The following KANSL1L variants were observed in gnomAD, a reference collection of about 807,000 sequenced individuals.
KANSL1L encodes KAT8 regulatory NSL complex subunit 1 like, also known as KAT8 regulatory NSL complex subunit 1-like protein.
KANSL1L carries 25 observed loss-of-function variants against 108.6 expected under a neutral mutation model. The observed-to-expected ratio is 0.23, with a 90% CI of 0.17 to 0.32. The LOEUF (loss-of-function observed/expected upper bound fraction) is 0.32, where lower values mean the gene tolerates loss of function less well. Ranked by LOEUF, KANSL1L falls within the 10% of genes least tolerant of loss-of-function variation. The pLI, the probability that KANSL1L is intolerant of heterozygous loss-of-function variation, is 1.00. For synonymous variants in KANSL1L, 405 were observed against 395.1 expected, an observed-to-expected ratio of 1.03 and a Z score of -0.30; for missense variants, 1,137 against 1,125.7, an observed-to-expected ratio of 1.01 and a Z score of -0.14.
intron 5 of KANSL1L, 108 bp downstream of exon 5, chr2:210,097,978 A>C (rs2094754132): frequency 1.0e-5 from 8 of 794,750 alleles, no homozygotes; most frequent in Non-Finnish European, 1.3e-5. Context: ...AGTAGCCCCT[A>C]ATGTACAAAA....
At chr2:210,084,619 T>C (rs2094620537) in intron 5 of KANSL1L, among the ~76,000 whole-genome samples, 1 of 151,726 alleles carries the variant, frequency 6.6e-6, no homozygotes, top group African/African-American at 2.4e-5. Flanking sequence ...CTTTTTTTTT[T>C]CTCTCTCTTT....
intron 1 of KANSL1L, among the ~76,000 whole-genome samples, chr2:210,165,171 T>G (rs758927905): frequency 6.6e-6 from 1 of 150,768 alleles, no homozygotes; most frequent in African/African-American, 2.4e-5. Context: ...ACATTCCAAT[T>G]TTACTAAAAA....
intron 2 of KANSL1L, among the ~76,000 whole-genome samples, chr2:210,136,495 C>G (rs1384956075): frequency 6.6e-6 from 1 of 152,050 alleles, no homozygotes; most frequent in Non-Finnish European, 1.5e-5. Context: ...AAATGTTAAA[C>G]TAATCAAAAC....
rs879210543 is a variant in KANSL1L at position 210,154,255 on chromosome 2, T to C, written c.328A>G (p.Lys110Glu). The change falls in exon 2 of 15, where the codon AAA becomes GAA. Residue 110 changes from lysine (K) to glutamate (E), a missense_variant. Coordinates refer to ENST00000281772, the MANE Select transcript of KANSL1L (RefSeq NM_152519.4). ...TTGCTGCCATTATACAGTATGTTTTTCAGCTTATTGCAACTGGGCTCCCCT... is the reference window on the plus strand; with the variant it reads ...TTGCTGCCATTATACAGTATGTTTTCCAGCTTATTGCAACTGGGCTCCCCT... Reference protein sequence around the residue: ...KLGEPSCNKLKNILYNGSNIQ... With the variant: ...KLGEPSCNKLENILYNGSNIQ... 2 of 1,614,122 alleles carry C rather than the reference T, an allele frequency of 1.2e-6. No individual in the cohort carries two copies. Among genetic ancestry groups the C allele is most frequent in the Admixed American group, 3.3e-5 (2 of 60,020 alleles).
chr2:210,111,036 T>C (rs1326655471), intron 3 of KANSL1L, among the ~76,000 whole-genome samples: 1 of 151,860 alleles, frequency 6.6e-6, no homozygotes, highest in Non-Finnish European at 1.5e-5. Flanking sequence ...CGCTTGAGCC[T>C]GGGAGGTCAA....
chr2:210,050,035 T>C (rs961874444), intron 6 of KANSL1L, among the ~76,000 whole-genome samples: 1 of 152,230 alleles, frequency 6.6e-6, no homozygotes, highest in African/African-American at 2.4e-5. Context: ...TCTAGCTGAC[T>C]GGCAGAGACA....
chr2:210,097,165 G>A (rs1010743296), intron 5 of KANSL1L: 68 of 669,682 alleles, frequency 1.0e-4, no homozygotes, highest in Non-Finnish European at 7.7e-5. Flanking sequence ...GGCTGATCTC[G>A]AACTCCTGAG....
intron 6 of KANSL1L, among the ~76,000 whole-genome samples, chr2:210,056,186 G>GTGTGGTGTTGAGCA (rs1405031290): frequency 2.0e-5 from 3 of 152,196 alleles, no homozygotes; most frequent in Non-Finnish European, 4.4e-5. Context: ...GGCAGCTTAC[G>GTGTGGTGTTGAGCA]TGTGGTGTTG....
At chr2:210,112,383 G>C (rs1186479989) in intron 3 of KANSL1L, among the ~76,000 whole-genome samples, 2 of 152,018 alleles carry the variant, frequency 1.3e-5, no homozygotes, top group African/African-American at 2.4e-5. Flanking sequence ...ACCCAGAAAA[G>C]AAAAATAATC....
intron 2 of KANSL1L, among the ~76,000 whole-genome samples, chr2:210,144,013 A>C (rs750579067): frequency 6.6e-6 from 1 of 152,140 alleles, no homozygotes; most frequent in Non-Finnish European, 1.5e-5. Context: ...AGGCAGATCT[A>C]GTGATGATGA....
intron 2 of KANSL1L, among the ~76,000 whole-genome samples, chr2:210,148,471 T>C (rs955309213): frequency 1.3e-5 from 2 of 152,274 alleles, no homozygotes; most frequent in Non-Finnish European, 2.9e-5. Flanking sequence ...CTGGGCTCCT[T>C]CACCAAATAA....
chr2:210,152,077 G>A (rs1162390556), intron 2 of KANSL1L: 2 of 152,036 alleles, frequency 1.3e-5, no homozygotes, highest in Non-Finnish European at 2.9e-5. Context: ...CATCACCCAG[G>A]TTTTAAGCCT....
chr2:210,105,485 T>A (rs2094838639), intron 3 of KANSL1L, among the ~76,000 whole-genome samples: 2 of 150,964 alleles, frequency 1.3e-5, no homozygotes, highest in Non-Finnish European at 1.5e-5. Flanking sequence ...AAAAATAAAC[T>A]AACATTAATA....
chr2:210,165,920 AACTTTTATG>A, intron 1 of KANSL1L, among the ~76,000 whole-genome samples: 1 of 152,210 alleles, frequency 6.6e-6, no homozygotes, highest in South Asian at 2.1e-4. Flanking sequence ...ACATTCACAT[AACTTTTATG>A]TATAGTTATA....
intron 2 of KANSL1L, among the ~76,000 whole-genome samples, chr2:210,148,422 T>A (rs1256735827): frequency 6.6e-6 from 1 of 152,086 alleles, no homozygotes; most frequent in East Asian, 1.9e-4. Context: ...CTCACCCACA[T>A]CCCCTCACAT....
At chr2:210,121,871 C>G (rs1250173237) in intron 3 of KANSL1L, among the ~76,000 whole-genome samples, 4 of 151,988 alleles carry the variant, frequency 2.6e-5, no homozygotes, top group African/African-American at 9.7e-5. Flanking sequence ...ATACAAAAAA[C>G]AGTAGCATTT....
chr2:210,067,064 C>G (rs1278929403), intron 6 of KANSL1L, among the ~76,000 whole-genome samples: 2 of 152,122 alleles, frequency 1.3e-5, no homozygotes, highest in Non-Finnish European at 2.9e-5. Context: ...TAAGCTGGGA[C>G]ATTCATCTTC....
At chr2:210,033,373 T>G (rs976074301) in intron 8 of KANSL1L, among the ~76,000 whole-genome samples, 6 of 152,364 alleles carry the variant, frequency 3.9e-5, no homozygotes, top group South Asian at 2.1e-4. Context: ...ATGTGTGTGT[T>G]AAAACGTGTG....
intron 1 of KANSL1L, among the ~76,000 whole-genome samples, chr2:210,165,850 G>T (rs1687923848): frequency 6.6e-6 from 1 of 152,112 alleles, no homozygotes; most frequent in African/African-American, 2.4e-5. Context: ...GTGGTCAACT[G>T]CAGTCCAAAA....
Sources: allele counts gnomAD v4.1 joint callset (sites outside exome capture counted in the v4.1 genomes callset), GRCh38; gene constraint gnomAD v4.1.1; transcripts MANE v1.5; gene names NCBI Gene and HGNC (gene_info 2026-07-23, HGNC 2026-07-21).